SCRG1: variants seen among roughly 807,000 people sequenced by gnomAD.
SCRG1 encodes scrapie-responsive protein 1.
A neutral mutation model predicts 7.7 loss-of-function variants in SCRG1; 3 were observed. The ratio of observed to expected loss-of-function variants is 0.39; its 90% confidence interval spans 0.18 to 1.01. SCRG1 has a LOEUF of 1.01. SCRG1 is among the 50% of genes least tolerant of loss of function. The probability of loss-of-function intolerance (pLI) is 0.36; values close to 1 mark genes in which losing one functional copy is unlikely to be tolerated. For synonymous variants in SCRG1, 46 were observed against 41.2 expected, an observed-to-expected ratio of 1.12 and a Z score of -0.44; for missense variants, 110 against 117.2, an observed-to-expected ratio of 0.94 and a Z score of 0.28.
chr4:173,473,930 A>G, the SCRG1 span, among the ~76,000 whole-genome samples: 12,082 of 152,276 alleles, frequency 0.079, 583 homozygotes, highest in Non-Finnish European at 0.098. Context: ...CTGTAATCCC[A>G]GCATTTTGGG....
At chr4:173,432,435 CCTT>C in the SCRG1 span, among the ~76,000 whole-genome samples, 4 of 151,694 alleles carry the variant, frequency 2.6e-5, no homozygotes, top group South Asian at 6.3e-4. Context: ...TCCTTCTCCT[CCTT>C]CTTCCTCCTC....
the SCRG1 span, among the ~76,000 whole-genome samples, chr4:173,415,265 C>T: frequency 3.3e-5 from 5 of 152,186 alleles, no homozygotes; most frequent in Admixed American, 2.0e-4. Flanking sequence ...ATTTTATTGC[C>T]CTTAGGGGCT....
chr4:173,453,724 A>T, the SCRG1 span, among the ~76,000 whole-genome samples: 48 of 152,210 alleles, frequency 3.2e-4, no homozygotes, highest in African/African-American at 1.1e-3. Context: ...ATAACTATGT[A>T]TGCCACGTGC....
chr4:173,490,766 ATACAAAGAG>A, the SCRG1 span, among the ~76,000 whole-genome samples: 1 of 152,212 alleles, frequency 6.6e-6, no homozygotes, highest in Non-Finnish European at 1.5e-5. Context: ...GTTCTCCAAG[ATACAAAGAG>A]TAATACAGTT....
the SCRG1 span, among the ~76,000 whole-genome samples, chr4:173,496,241 G>A: frequency 1.3e-5 from 2 of 152,100 alleles, no homozygotes; most frequent in Non-Finnish European, 2.9e-5. Flanking sequence ...AGGACAGACT[G>A]GAGGGTACAT....
At chr4:173,498,393 C>T in the SCRG1 span, among the ~76,000 whole-genome samples, 23 of 152,214 alleles carry the variant, frequency 1.5e-4, no homozygotes, top group African/African-American at 5.3e-4. Flanking sequence ...GAGGAGGTAG[C>T]CTAAAGACTT....
intron 1 of SCRG1, among the ~76,000 whole-genome samples, chr4:173,392,043 G>A (rs1739464457): frequency 6.6e-6 from 1 of 152,164 alleles, no homozygotes; most frequent in African/African-American, 2.4e-5. Context: ...TTTTAAGGTG[G>A]TATAAACTCA....
chr4:173,505,518 G>T, the SCRG1 span, among the ~76,000 whole-genome samples: 4 of 152,214 alleles, frequency 2.6e-5, no homozygotes, highest in African/African-American at 7.2e-5. The surrounding 1 kb of genome is among the most constrained non-coding windows in gnomAD (Gnocchi z 4.4). Context: ...CAGCGGAGAA[G>T]CTCTGTGCTG....
the SCRG1 span, among the ~76,000 whole-genome samples, chr4:173,467,445 C>G: frequency 0.016 from 2,425 of 152,236 alleles, 47 homozygotes; most frequent in African/African-American, 0.046. Context: ...GCATCTAACT[C>G]TTACCTTTTA....
the SCRG1 span, among the ~76,000 whole-genome samples, chr4:173,430,732 GGGA>G: frequency 4.7e-5 from 7 of 148,784 alleles, no homozygotes; most frequent in Non-Finnish European, 1.0e-4. Flanking sequence ...ACCTAAGCCT[GGGA>G]GGTAGATGCT....
upstream of SCRG1, among the ~76,000 whole-genome samples, chr4:173,407,574 T>A (rs930426089): frequency 7.9e-5 from 12 of 152,204 alleles, no homozygotes; most frequent in African/African-American, 2.9e-4. Flanking sequence ...TAAATATTTG[T>A]ATGCACGTTT....
the SCRG1 span, among the ~76,000 whole-genome samples, chr4:173,440,309 C>T: frequency 2.0e-5 from 3 of 152,172 alleles, no homozygotes; most frequent in African/African-American, 7.2e-5. Flanking sequence ...TTTGTTACTT[C>T]TCTCCTACTC....
the SCRG1 span, among the ~76,000 whole-genome samples, chr4:173,490,866 T>G: frequency 6.6e-6 from 1 of 152,140 alleles, no homozygotes. Context: ...TGGAGTTAAC[T>G]CCACAGGAAA....
the SCRG1 span, among the ~76,000 whole-genome samples, chr4:173,513,975 G>C: frequency 6.6e-6 from 1 of 152,140 alleles, no homozygotes; most frequent in Non-Finnish European, 1.5e-5. Flanking sequence ...AAATTAACCT[G>C]AGTAGAATAT....
chr4:173,415,329 G>C, the SCRG1 span, among the ~76,000 whole-genome samples: 1 of 152,202 alleles, frequency 6.6e-6, no homozygotes, highest in Non-Finnish European at 1.5e-5. Context: ...TGAGTAACTA[G>C]AACAGAGATG....
chr4:173,462,438 C>T, the SCRG1 span, among the ~76,000 whole-genome samples: 1 of 152,064 alleles, frequency 6.6e-6, no homozygotes. Context: ...ACCCTCTTGC[C>T]CTAAAATAGT....
chr4:173,429,490 T>C, the SCRG1 span, among the ~76,000 whole-genome samples: 1 of 152,026 alleles, frequency 6.6e-6, no homozygotes, highest in African/African-American at 2.4e-5. Flanking sequence ...AGAGACAGGG[T>C]CTTGCTATGT....
At chr4:173,394,129 G>T (rs1190891477) in intron 1 of SCRG1, among the ~76,000 whole-genome samples, 1 of 151,766 alleles carries the variant, frequency 6.6e-6, no homozygotes, top group Admixed American at 6.6e-5. Flanking sequence ...TTATTGATAG[G>T]GAAGAATTTA....
the SCRG1 span, among the ~76,000 whole-genome samples, chr4:173,449,683 T>A: frequency 6.6e-6 from 1 of 152,236 alleles, no homozygotes. Context: ...CATGCCACAG[T>A]TCCTTCCCAT....
Sources: allele counts gnomAD v4.1 joint callset (sites outside exome capture counted in the v4.1 genomes callset), GRCh38; gene constraint gnomAD v4.1.1; non-coding constraint Gnocchi (gnomAD v3.1); transcripts MANE v1.5; gene names NCBI Gene and HGNC (gene_info 2026-07-23, HGNC 2026-07-21).